RALYL: variants seen among roughly 807,000 people sequenced by gnomAD.
The protein encoded by RALYL is RALY RNA binding protein like.
A neutral mutation model predicts 35.1 loss-of-function variants in RALYL; 29 were observed. That is an observed-to-expected ratio of 0.83 (90% CI 0.61 to 1.13). RALYL has a LOEUF of 1.13. RALYL is among the 50% of genes most tolerant of loss of function. RALYL has a pLI of 0.00. For synonymous variants in RALYL, 120 were observed against 127.6 expected, an observed-to-expected ratio of 0.94 and a Z score of 0.40; for missense variants, 359 against 360.4, an observed-to-expected ratio of 1.00 and a Z score of 0.03.
chr8:84,249,529 T>C (rs1158500094), intron 1 of RALYL, among the ~76,000 whole-genome samples: 3 of 152,202 alleles, frequency 2.0e-5, no homozygotes, highest in Non-Finnish European at 1.5e-5. Flanking sequence ...CTTTTAACTT[T>C]ATTTTTACAA....
intron 2 of RALYL, among the ~76,000 whole-genome samples, chr8:84,675,010 G>A (rs1034086783): frequency 6.6e-6 from 1 of 151,340 alleles, no homozygotes; most frequent in Non-Finnish European, 1.5e-5. Flanking sequence ...AAAATTTACT[G>A]CTATCTACTG....
At chr8:84,693,655 CACT>C (rs1204689767) in intron 2 of RALYL, among the ~76,000 whole-genome samples, 1 of 151,810 alleles carries the variant, frequency 6.6e-6, no homozygotes, top group Non-Finnish European at 1.5e-5. Flanking sequence ...CTGACAAAGG[CACT>C]ACAAGAAGAA....
chr8:84,202,067 C>T (rs1816969556), intron 1 of RALYL, among the ~76,000 whole-genome samples: 1 of 151,554 alleles, frequency 6.6e-6, no homozygotes, highest in Non-Finnish European at 1.5e-5. Context: ...TTAGTTGGTT[C>T]TTTTTTCACT....
At chr8:84,453,154 G>A (rs2049708336) in intron 1 of RALYL, among the ~76,000 whole-genome samples, 2 of 151,840 alleles carry the variant, frequency 1.3e-5, no homozygotes, top group African/African-American at 4.8e-5. Flanking sequence ...ATGTGTATAT[G>A]TCCATACAAA....
At chr8:84,709,068 T>A (rs1841710101) in intron 2 of RALYL, among the ~76,000 whole-genome samples, 1 of 152,212 alleles carries the variant, frequency 6.6e-6, no homozygotes, top group African/African-American at 2.4e-5. Context: ...ATACTTGAGA[T>A]CACTTCAGAA....
chr8:84,825,028 G>A (rs1229968939), intron 4 of RALYL, among the ~76,000 whole-genome samples: 3 of 152,092 alleles, frequency 2.0e-5, no homozygotes, highest in Admixed American at 6.6e-5. Context: ...AAGAGCTTCT[G>A]CATGCAAGAG....
chr8:84,772,030 G>A (rs1304834009), intron 2 of RALYL, among the ~76,000 whole-genome samples: 1 of 151,796 alleles, frequency 6.6e-6, no homozygotes, highest in African/African-American at 2.4e-5. Flanking sequence ...TTTTTGGTAT[G>A]GTGTAGGTAG....
chr8:84,195,367 G>A (rs1282576033), intron 1 of RALYL, among the ~76,000 whole-genome samples: 3 of 152,084 alleles, frequency 2.0e-5, no homozygotes, highest in Non-Finnish European at 4.4e-5. Context: ...TTGAACCTGG[G>A]AGGCAGAGGT....
At chr8:84,734,106 T>C (rs956293900) in intron 2 of RALYL, among the ~76,000 whole-genome samples, 27 of 152,182 alleles carry the variant, frequency 1.8e-4, no homozygotes, top group African/African-American at 6.3e-4. Context: ...GACTGTAATA[T>C]GAAAACCCTG....
chr8:84,630,300 T>C (rs892730517), intron 2 of RALYL, among the ~76,000 whole-genome samples: 5 of 151,980 alleles, frequency 3.3e-5, no homozygotes, highest in Admixed American at 1.3e-4. Flanking sequence ...AAAGAACTCT[T>C]AGTGTAACTG....
intron 2 of RALYL, among the ~76,000 whole-genome samples, chr8:84,541,490 A>G (rs1375477213): frequency 6.6e-6 from 1 of 151,976 alleles, no homozygotes; most frequent in Non-Finnish European, 1.5e-5. Context: ...AGCCCTAGAT[A>G]TGGTCAGTTT....
intron 1 of RALYL, among the ~76,000 whole-genome samples, chr8:84,527,622 T>C (rs2134887576): frequency 6.6e-6 from 1 of 152,318 alleles, no homozygotes; most frequent in Non-Finnish European, 1.5e-5. Flanking sequence ...ATTACCTATC[T>C]TGATTTTTCT....
chr8:84,432,695 T>G (rs1342505499), intron 1 of RALYL, among the ~76,000 whole-genome samples: 1 of 152,054 alleles, frequency 6.6e-6, no homozygotes, highest in Non-Finnish European at 1.5e-5. Context: ...CCAATATGCC[T>G]GGAGTTTTAT....
In RALYL at chr8:84,575,677, C is replaced by T. The variant is rs547923774; in HGVS notation, c.256+46100C>T. Among the ~76,000 whole-genome samples the T allele has an allele frequency of 1.1e-4, 16 of 152,098 alleles. No individual in the cohort carries two copies. The East Asian group carries it at 1.2e-3, about 11-fold the overall frequency. ...TCCTCTGCTTTTTTATTAAGCATGT[C>T]GAACTAATGGGAGGGGATTTTATCT... On this transcript the variant is annotated intron_variant, in intron 2 of 8. Coordinates refer to ENST00000521268, the MANE Select transcript of RALYL (RefSeq NM_173848.7).
intron 4 of RALYL, among the ~76,000 whole-genome samples, chr8:84,844,139 G>C (rs1022281574): frequency 6.6e-6 from 1 of 152,120 alleles, no homozygotes; most frequent in Non-Finnish European, 1.5e-5. Flanking sequence ...AAACTAAAGA[G>C]CTTCTGCACA....
chr8:84,654,067 A>G (rs1829409380), intron 2 of RALYL, among the ~76,000 whole-genome samples: 1 of 149,150 alleles, frequency 6.7e-6, no homozygotes, highest in South Asian at 2.2e-4. Flanking sequence ...TAGTATATGT[A>G]TATATAAACA....
chr8:84,487,810 A>G (rs1184973306), intron 1 of RALYL, among the ~76,000 whole-genome samples: 1 of 152,064 alleles, frequency 6.6e-6, no homozygotes, highest in Non-Finnish European at 1.5e-5. Flanking sequence ...TTTATAATGA[A>G]TTTATTTATT....
chr8:84,870,394 A>T (rs969925169), intron 6 of RALYL, among the ~76,000 whole-genome samples: 3 of 151,734 alleles, frequency 2.0e-5, no homozygotes, highest in Admixed American at 1.3e-4. Flanking sequence ...AGTAGCTGGG[A>T]TTACAGGTGC....
At chr8:84,503,488 A>C (rs1446807727) in intron 1 of RALYL, among the ~76,000 whole-genome samples, 2 of 152,048 alleles carry the variant, frequency 1.3e-5, no homozygotes, top group Non-Finnish European at 2.9e-5. Context: ...AATAAATAAT[A>C]TTGTTAATAG....
Sources: gnomAD v4.1 joint callset for allele counts (sites outside exome capture counted in the v4.1 genomes callset) on GRCh38, gnomAD v4.1.1 for gene constraint, MANE v1.5 for transcripts, NCBI Gene and HGNC (gene_info 2026-07-23, HGNC 2026-07-21) for gene names.